USP3: variants seen among roughly 807,000 people sequenced by gnomAD.
The protein encoded by USP3 is ubiquitin specific peptidase 3.
A neutral mutation model predicts 72.3 loss-of-function variants in USP3; 20 were observed. The observed-to-expected ratio is 0.28, with a 90% CI of 0.19 to 0.40. USP3 has a LOEUF of 0.40. USP3 is among the 10% of genes least tolerant of loss of function. USP3 has a pLI of 1.00. For missense variants in USP3, 479 were observed against 633.9 expected, an observed-to-expected ratio of 0.76 and a Z score of 2.62; for synonymous variants, 222 against 225.3, an observed-to-expected ratio of 0.99 and a Z score of 0.13.
chr15:63,544,510 T>G lies in USP3; in HGVS notation c.284+7354T>G, dbSNP rs566083143. ...TTTTAGAATTAGAGGGGGCAAGTAG[T>G]GCAGGGCAAAAACAGGAAGGAAACG... is the stretch of plus-strand genomic sequence containing the variant. On this transcript the variant is annotated intron_variant, in intron 3 of 14. Coordinates refer to ENST00000380324, the MANE Select transcript of USP3 (RefSeq NM_006537.4). This position sits in a 1 kb window ranked among gnomAD's most constrained non-coding sequence, Gnocchi z 4.2. 1.8e-6 allele frequency: 1 copy of G among 567,810 alleles called. No homozygotes were observed. Among genetic ancestry groups the G allele is most frequent in the East Asian group, 2.9e-5 (1 of 34,032 alleles). The allele number at this position is 567,810 out of a possible 1,614,324, so 35.2% of individuals were successfully genotyped here. A position where few individuals can be genotyped will look rare whatever the true frequency, so the allele number is the denominator to read the frequency against.
intron 1 of USP3, among the ~76,000 whole-genome samples, chr15:63,505,653 C>T (rs572898987): frequency 6.6e-6 from 1 of 152,274 alleles, no homozygotes; most frequent in East Asian, 1.9e-4. Context: ...TGCTGGCCCC[C>T]TTGGAAGCCC....
At chr15:63,575,364 G>T (rs1044781922) in intron 11 of USP3, among the ~76,000 whole-genome samples, 1 of 152,122 alleles carries the variant, frequency 6.6e-6, no homozygotes, top group African/African-American at 2.4e-5. Flanking sequence ...TATCCTAGTA[G>T]AAATAAAACT....
At chr15:63,524,022 GA>G (rs1466372882) in intron 1 of USP3, among the ~76,000 whole-genome samples, 1 of 152,170 alleles carries the variant, frequency 6.6e-6, no homozygotes, top group African/African-American at 2.4e-5. Flanking sequence ...GATTTCTATG[GA>G]AATAGTGCTT....
chr15:63,577,865 G>A (rs1190250018), intron 11 of USP3, among the ~76,000 whole-genome samples: 1 of 151,928 alleles, frequency 6.6e-6, no homozygotes, highest in Non-Finnish European at 1.5e-5. Context: ...AGGAGTTGGA[G>A]GCTGCATTGA....
At chr15:63,560,112 G>A (rs1257730530) in intron 7 of USP3, 142 bp downstream of exon 7, 1 of 730,670 alleles carries the variant, frequency 1.4e-6, no homozygotes, top group Non-Finnish European at 2.2e-6. Flanking sequence ...TATCTAGTTA[G>A]CAATCTTAAT....
intron 8 of USP3, among the ~76,000 whole-genome samples, chr15:63,566,388 C>T (rs1485003093): frequency 6.6e-6 from 1 of 151,680 alleles, no homozygotes; most frequent in East Asian, 1.9e-4. Flanking sequence ...GGGCTCACTG[C>T]AGGATCCTCT....
At chr15:63,524,244 G>A (rs73441167) in intron 1 of USP3, among the ~76,000 whole-genome samples, 8,328 of 152,296 alleles carry the variant, frequency 0.055, 702 homozygotes, top group African/African-American at 0.19. Context: ...TACTTCTGTT[G>A]TAGAGGGAGT....
At chr15:63,563,935 T>C (rs887806793) in intron 8 of USP3, among the ~76,000 whole-genome samples, 2 of 152,214 alleles carry the variant, frequency 1.3e-5, no homozygotes, top group Non-Finnish European at 2.9e-5. Context: ...GAGTAACTAG[T>C]GTTAACCCTA....
At chr15:63,559,334 A>C (rs2066566242) in intron 6 of USP3, among the ~76,000 whole-genome samples, 1 of 152,228 alleles carries the variant, frequency 6.6e-6, no homozygotes, top group South Asian at 2.1e-4. Flanking sequence ...AGAATAAATG[A>C]TCTTCCCAAG....
intron 3 of USP3, among the ~76,000 whole-genome samples, chr15:63,545,970 CAAAAA>C (rs60122671): frequency 4.4e-5 from 3 of 68,848 alleles, no homozygotes; most frequent in South Asian, 8.6e-4. Flanking sequence ...GACCTTGTCT[CAAAAA>C]AAAAAAAAAA....
intron 9 of USP3, among the ~76,000 whole-genome samples, chr15:63,573,657 A>G (rs967897970): frequency 2.6e-5 from 4 of 152,218 alleles, no homozygotes; most frequent in Non-Finnish European, 5.9e-5. Context: ...CTGTAATGTA[A>G]GAGGCCTTGC....
At chr15:63,545,522 C>G (rs1487885372) in intron 3 of USP3, among the ~76,000 whole-genome samples, 3 of 151,866 alleles carry the variant, frequency 2.0e-5, no homozygotes, top group Non-Finnish European at 2.9e-5. Flanking sequence ...TTTTTTATAT[C>G]CTATTTCCTT....
chr15:63,540,764 C>T (rs1307089474), intron 3 of USP3, among the ~76,000 whole-genome samples: 1 of 152,138 alleles, frequency 6.6e-6, no homozygotes, highest in Non-Finnish European at 1.5e-5. Flanking sequence ...AGGAATGATT[C>T]TGATTTGACA....
intron 3 of USP3, among the ~76,000 whole-genome samples, chr15:63,538,529 G>T (rs919582080): frequency 6.6e-6 from 1 of 151,600 alleles, no homozygotes. Flanking sequence ...GAAAGGGTCA[G>T]TGGTTTGCCA....
chr15:63,572,794 T>C (rs1223790177), intron 9 of USP3, among the ~76,000 whole-genome samples: 5 of 152,208 alleles, frequency 3.3e-5, no homozygotes, highest in Non-Finnish European at 7.3e-5. Context: ...CGAAGGCTAA[T>C]AGACAAGTGT....
At chr15:63,575,318 G>C (rs374212305) in intron 11 of USP3, among the ~76,000 whole-genome samples, 3 of 152,164 alleles carry the variant, frequency 2.0e-5, no homozygotes, top group East Asian at 1.9e-4. Context: ...CTAGTAGGGG[G>C]CTCCTGCATT....
At chr15:63,505,806 A>G (rs2065705654) in intron 1 of USP3, among the ~76,000 whole-genome samples, 1 of 152,142 alleles carries the variant, frequency 6.6e-6, no homozygotes, top group East Asian at 1.9e-4. Flanking sequence ...CTTGGGTTAT[A>G]TTAATAGCGT....
intron 7 of USP3, among the ~76,000 whole-genome samples, chr15:63,561,277 G>A (rs967922771): frequency 1.3e-5 from 2 of 152,212 alleles, no homozygotes; most frequent in African/African-American, 2.4e-5. Context: ...ATGTCATGCA[G>A]GGTTGAGTTG....
At chr15:63,589,255 A>G (rs961322812) in intron 14 of USP3, among the ~76,000 whole-genome samples, 5 of 152,182 alleles carry the variant, frequency 3.3e-5, no homozygotes, top group Non-Finnish European at 7.4e-5. Context: ...CCCAGTCTTT[A>G]TTTGTCCACA....
Sources: allele counts gnomAD v4.1 joint callset (sites outside exome capture counted in the v4.1 genomes callset), GRCh38; gene constraint gnomAD v4.1.1; non-coding constraint Gnocchi (gnomAD v3.1); transcripts MANE v1.5; gene names NCBI Gene and HGNC (gene_info 2026-07-23, HGNC 2026-07-21).